Variants in ODAD2 observed in about 807,000 individuals in gnomAD.
The protein encoded by ODAD2 is outer dynein arm-docking complex subunit 2.
ODAD2 carries 89 observed loss-of-function variants against 106.8 expected under a neutral mutation model. That is an observed-to-expected ratio of 0.83 (90% CI 0.70 to 0.99). The LOEUF is 0.99. Ranked by LOEUF, ODAD2 falls within the 50% of genes least tolerant of loss-of-function variation. The pLI, the probability that ODAD2 is intolerant of heterozygous loss-of-function variation, is 0.00. For missense variants in ODAD2, 1,168 were observed against 1,238.5 expected, an observed-to-expected ratio of 0.94 and a Z score of 0.85; for synonymous variants, 404 against 436.2, an observed-to-expected ratio of 0.93 and a Z score of 0.92.
At chr10:27,946,920 C>T (rs187197740) in intron 10 of ODAD2, among the ~76,000 whole-genome samples, 4 of 152,282 alleles carry the variant, frequency 2.6e-5, no homozygotes, top group Admixed American at 6.5e-5. Context: ...TCTTCCATGC[C>T]TCTAGAAATG....
intron 17 of ODAD2, among the ~76,000 whole-genome samples, chr10:27,868,432 A>C (rs1564446179): frequency 1.3e-5 from 2 of 152,210 alleles, no homozygotes; most frequent in East Asian, 3.8e-4. Context: ...ATCAACCCAA[A>C]TGCCCATCAA....
chr10:27,829,071 A>T (rs984633297), intron 19 of ODAD2, among the ~76,000 whole-genome samples: 1 of 152,190 alleles, frequency 6.6e-6, no homozygotes, highest in Non-Finnish European at 1.5e-5. Context: ...ATTAGAACAG[A>T]TATTATCCAG....
chr10:27,865,091 A>G (rs1840345858), intron 17 of ODAD2, among the ~76,000 whole-genome samples: 1 of 152,100 alleles, frequency 6.6e-6, no homozygotes, highest in Middle Eastern at 3.2e-3. Flanking sequence ...GATAAAATTC[A>G]AACTCCACAA....
chr10:27,875,429 C>T (rs575575949), intron 17 of ODAD2, among the ~76,000 whole-genome samples: 1 of 152,300 alleles, frequency 6.6e-6, no homozygotes, highest in South Asian at 2.1e-4. Context: ...GGGAGAGGCA[C>T]TCTGATTTTT....
At chr10:27,903,262 A>G (rs1480453615) in intron 17 of ODAD2, among the ~76,000 whole-genome samples, 1 of 152,198 alleles carries the variant, frequency 6.6e-6, no homozygotes, top group Non-Finnish European at 1.5e-5. Flanking sequence ...ATTCATGCTA[A>G]AAACTCTCAA....
chr10:27,953,181 A>G (rs192114367), intron 10 of ODAD2, among the ~76,000 whole-genome samples: 7 of 152,206 alleles, frequency 4.6e-5, no homozygotes, highest in Non-Finnish European at 7.4e-5. Flanking sequence ...TTAATCTGAG[A>G]TTTACTTCTT....
intron 1 of ODAD2, among the ~76,000 whole-genome samples, chr10:27,996,988 T>G (rs1012897354): frequency 6.6e-6 from 1 of 152,242 alleles, no homozygotes; most frequent in African/African-American, 2.4e-5. Context: ...ATATTAAATA[T>G]GTAAGATTAT....
At position 27,885,535 on chromosome 10, in the gene ODAD2, TATATATATATATAAATATATAAATATAA is replaced by T. The variant is rs1564465203; in HGVS notation, c.2610+22100_2610+22127del. Among the ~76,000 whole-genome samples, 18 of 12,474 alleles carry T rather than the reference TATATATATATATAAATATATAAATATAA, an allele frequency of 1.4e-3. 1 individual carries two copies. The highest frequency in any genetic ancestry group is 3.5e-3 in the African/African-American group (13 of 3,664). The allele number at this position is 12,474 out of a possible 152,430, so 8.2% of individuals were successfully genotyped here. A position where few individuals can be genotyped will look rare whatever the true frequency, so the allele number is the denominator to read the frequency against. ...AAAAAAAAAAAAAAAAAAAAAAAAA[TATATATATATATAAATATATAAATATAA>T]ATATATATATATATAAATATATAAA... is the stretch of plus-strand genomic sequence containing the variant. On this transcript the variant is annotated intron_variant, in intron 17 of 19. Transcript: ENST00000305242.
At chr10:27,875,691 A>G (rs537082129) in intron 17 of ODAD2, among the ~76,000 whole-genome samples, 2 of 152,312 alleles carry the variant, frequency 1.3e-5, no homozygotes, top group East Asian at 3.9e-4. Flanking sequence ...CTTGTTGGAC[A>G]GTGGCTGCAG....
At chr10:27,951,296 A>C (rs2368268) in intron 10 of ODAD2, among the ~76,000 whole-genome samples, 68,145 of 152,010 alleles carry the variant, frequency 0.45, 15,497 homozygotes, top group Middle Eastern at 0.62. Flanking sequence ...AGAATGAAAA[A>C]TCCAAAAAAT....
chr10:27,925,895 A>G (rs971804930), intron 16 of ODAD2, among the ~76,000 whole-genome samples: 1 of 151,540 alleles, frequency 6.6e-6, no homozygotes, highest in East Asian at 2.0e-4. Flanking sequence ...AAGGAGTAAC[A>G]TTTGGGAGGC....
chr10:27,948,676 C>T (rs754472947), intron 10 of ODAD2, among the ~76,000 whole-genome samples: 7 of 151,734 alleles, frequency 4.6e-5, no homozygotes, highest in Non-Finnish European at 7.4e-5. Context: ...TTGAAAAATG[C>T]TTCCAATAAG....
chr10:27,908,460 G>A (rs1305733144), intron 16 of ODAD2, among the ~76,000 whole-genome samples: 1 of 152,128 alleles, frequency 6.6e-6, no homozygotes, highest in African/African-American at 2.4e-5. Context: ...AATCAGTCCA[G>A]GAGCATAACC....
Position 27,884,311 on chromosome 10 carries a change from G to C in ODAD2, c.2611-21689C>G, listed in dbSNP as rs191676787. Among the ~76,000 whole-genome samples the C allele has an allele frequency of 2.0e-5, 3 of 152,190 alleles. No homozygotes were observed. The East Asian group carries it at 5.8e-4, about 29-fold the overall frequency. ...TGGAAACATTAAATAAACAACTACA[G>C]ACTGACTCAATTTTATAAAAGCTTT... is the stretch of plus-strand genomic sequence containing the variant. On this transcript the variant is annotated intron_variant, in intron 17 of 19. Transcript: ENST00000305242.
chr10:27,908,115 A>T (rs530007352), intron 16 of ODAD2, among the ~76,000 whole-genome samples: 1 of 152,166 alleles, frequency 6.6e-6, no homozygotes, highest in Non-Finnish European at 1.5e-5. Flanking sequence ...ACATTTAAAT[A>T]CTTTCCAAAA....
In ODAD2 at chr10:27,985,343, C is replaced by T. The variant is rs890458247; in HGVS notation, c.383-132G>A. 3.4e-5 allele frequency: 25 copies of T among 728,476 alleles called. No homozygotes were observed. In the Admixed American group the frequency reaches 3.4e-4, roughly 10 times the overall value. 45.1% of individuals were successfully genotyped at this position (728,476 alleles called of 1,614,324 possible). The stretch of plus-strand genomic sequence containing the variant: ...TTTCATTAAGCTTTTTCTAAACGAC[C>T]CAATTAGAATTCATCTCTACGTCTG... On this transcript the variant is annotated intron_variant, in intron 3 of 19. Coordinates refer to ENST00000305242, the MANE Select transcript of ODAD2 (RefSeq NM_018076.5).
chr10:27,908,757 A>AG (rs1056594419), intron 16 of ODAD2, among the ~76,000 whole-genome samples: 168 of 104,856 alleles, frequency 1.6e-3, no homozygotes, highest in Middle Eastern at 5.7e-3. Context: ...TGAGTTTACC[A>AG]GGGGGGAAAA....
chr10:27,869,017 T>C (rs1278993647), intron 17 of ODAD2, among the ~76,000 whole-genome samples: 1 of 151,672 alleles, frequency 6.6e-6, no homozygotes, highest in Non-Finnish European at 1.5e-5. Context: ...ATAAAAGCAA[T>C]GAATGAAAAA....
At chr10:27,894,400 G>A (rs1322418062) in intron 17 of ODAD2, among the ~76,000 whole-genome samples, 7 of 151,398 alleles carry the variant, frequency 4.6e-5, no homozygotes, top group Admixed American at 4.6e-4. Context: ...AATCCAAAAG[G>A]CAGTTGATCG....
Sources: gnomAD v4.1 joint callset for allele counts (sites outside exome capture counted in the v4.1 genomes callset) on GRCh38, gnomAD v4.1.1 for gene constraint, MANE v1.5 for transcripts, NCBI Gene and HGNC (gene_info 2026-07-23, HGNC 2026-07-21) for gene names.